Variants in BMP5 observed in about 807,000 individuals in gnomAD.
BMP5 encodes the protein bone morphogenetic protein 5.
Under a neutral mutation model 46.6 loss-of-function variants are expected in BMP5, and 23 were observed. The ratio of observed to expected loss-of-function variants is 0.49; its 90% CI spans 0.35 to 0.70. The LOEUF is 0.70. Among genes scored for constraint, BMP5 ranks in the 30% least tolerant of loss-of-function variants. The pLI, the probability that BMP5 is intolerant of heterozygous loss-of-function variation, is 0.00. For synonymous variants in BMP5, 204 were observed against 191.9 expected, an observed-to-expected ratio of 1.06 and a Z score of -0.52; for missense variants, 545 against 565.6, an observed-to-expected ratio of 0.96 and a Z score of 0.37.
At chr6:55,846,294 A>G (rs1352883289) in intron 1 of BMP5, among the ~76,000 whole-genome samples, 2 of 152,152 alleles carry the variant, frequency 1.3e-5, no homozygotes, top group East Asian at 1.9e-4. Context: ...AGGAAATAAA[A>G]TAGAAAGGGA....
chr6:55,819,897 A>G (rs1197024693), intron 1 of BMP5, 50 bp from the exon 2 acceptor site: 1 of 1,433,754 alleles, frequency 7.0e-7, no homozygotes, highest in Non-Finnish European at 9.8e-7. Context: ...CTTTTATAAA[A>G]TATGGAAATT....
At chr6:55,845,705 G>A (rs1005964238) in intron 1 of BMP5, among the ~76,000 whole-genome samples, 4 of 151,956 alleles carry the variant, frequency 2.6e-5, no homozygotes, top group Non-Finnish European at 4.4e-5. Flanking sequence ...CAGGGAGAGA[G>A]GTTGTGATGC....
chr6:55,760,575 G>T, intron 4 of BMP5, 42 bp from the exon 5 acceptor site: 3 of 1,526,616 alleles, frequency 2.0e-6, no homozygotes, highest in South Asian at 1.1e-5. Context: ...GTTGCTTACA[G>T]ATATACTAAT....
intron 2 of BMP5, among the ~76,000 whole-genome samples, chr6:55,799,373 A>G (rs1224775251): frequency 6.6e-6 from 1 of 152,216 alleles, no homozygotes; most frequent in Non-Finnish European, 1.5e-5. Flanking sequence ...TTTTGTATTT[A>G]CAAAAAGGGG....
At chr6:55,756,557 C>G (rs1352275914) in intron 6 of BMP5, among the ~76,000 whole-genome samples, 3 of 151,904 alleles carry the variant, frequency 2.0e-5, no homozygotes, top group African/African-American at 4.8e-5. Flanking sequence ...TGGCCCTTCC[C>G]CCAGAGGAGT....
chr6:55,780,867 A>G (rs1316232314), intron 3 of BMP5, among the ~76,000 whole-genome samples: 1 of 152,090 alleles, frequency 6.6e-6, no homozygotes, highest in Non-Finnish European at 1.5e-5. Context: ...GAAGCTGTCC[A>G]GAATGCTGAA....
In BMP5 at chr6:55,802,577, T is replaced by C. The variant is rs537921960; in HGVS notation, c.684-8150A>G. ...GAAAAGTGACCAGCCATGGTGCTTG[T>C]CAAAATAAACAGAAAATTGATAGCA... On this transcript the variant is annotated intron_variant, in intron 2 of 6. Coordinates refer to ENST00000370830, the MANE Select transcript of BMP5 (RefSeq NM_021073.4). Among the ~76,000 whole-genome samples, 4 of 152,040 alleles carry C rather than the reference T, an allele frequency of 2.6e-5. No individual in the cohort carries two copies. In the South Asian group the frequency reaches 8.3e-4, roughly 32 times the overall value.
At chr6:55,865,782 C>T (rs1220434826) in intron 1 of BMP5, among the ~76,000 whole-genome samples, 1 of 152,102 alleles carries the variant, frequency 6.6e-6, no homozygotes, top group Non-Finnish European at 1.5e-5. Flanking sequence ...CATGTAGGCT[C>T]AAAAGTCTAG....
chr6:55,864,779 C>T (rs1469043698), intron 1 of BMP5, among the ~76,000 whole-genome samples: 1 of 151,644 alleles, frequency 6.6e-6, no homozygotes, highest in African/African-American at 2.4e-5. Context: ...AGAAGATGTC[C>T]ACAGTTTATG....
intron 2 of BMP5, among the ~76,000 whole-genome samples, chr6:55,795,283 A>T (rs1240568546): frequency 6.6e-6 from 1 of 152,144 alleles, no homozygotes; most frequent in African/African-American, 2.4e-5. Flanking sequence ...CTTAGTATTG[A>T]AAACATTCAG....
chr6:55,828,251 G>C (rs1425622148), intron 1 of BMP5, among the ~76,000 whole-genome samples: 1 of 151,824 alleles, frequency 6.6e-6, no homozygotes, highest in Non-Finnish European at 1.5e-5. Context: ...ATTGCTCAGT[G>C]CCTTCTCTAA....
chr6:55,817,105 T>C (rs1439433933), intron 2 of BMP5, among the ~76,000 whole-genome samples: 4 of 152,248 alleles, frequency 2.6e-5, no homozygotes, highest in Middle Eastern at 3.4e-3. Flanking sequence ...AAACAACAGA[T>C]GCTGGAGAGG....
chr6:55,820,769 T>A (rs1323117584), intron 1 of BMP5, among the ~76,000 whole-genome samples: 3 of 152,220 alleles, frequency 2.0e-5, no homozygotes, highest in East Asian at 1.9e-4. Context: ...AAGCATTTTT[T>A]ATAAATTCTT....
chr6:55,764,299 C>T lies in BMP5; in HGVS notation c.1028-3766G>A, dbSNP rs140480868. Among the ~76,000 whole-genome samples, 41 of 152,236 alleles carry T rather than the reference C, an allele frequency of 2.7e-4. No homozygotes were observed. In the East Asian group the frequency reaches 6.4e-3, roughly 24 times the overall value. On this transcript the variant is annotated intron_variant, in intron 4 of 6. Coordinates refer to ENST00000370830, the MANE Select transcript of BMP5 (RefSeq NM_021073.4). ...CATAAAAAGAATGAAATTGGCCTGG[C>T]GTGGTGTCTCACACCTGTAATCCCA...
chr6:55,772,930 A>G lies in BMP5; in HGVS notation c.1027+1119T>C, dbSNP rs1007231932. ...AGCGTCTCTGAGCAAATAAAAACAA[A>G]CAAATAAAGGTCGTCATCTATTTCT... On this transcript the variant is annotated intron_variant, in intron 4 of 6. Transcript: ENST00000370830. 3.0e-6 allele frequency: 3 copies of G among 984,930 alleles called. No individual in the cohort carries two copies. The African/African-American group carries it at 5.2e-5, about 17-fold the overall frequency. 61.0% of individuals were successfully genotyped at this position (984,930 alleles called of 1,614,324 possible).
At chr6:55,796,858 T>C (rs1775726918) in intron 2 of BMP5, among the ~76,000 whole-genome samples, 2 of 152,144 alleles carry the variant, frequency 1.3e-5, no homozygotes, top group Admixed American at 6.5e-5. Context: ...CAAATTGCAA[T>C]TCATTGGAAA....
Position 55,794,416 on chromosome 6 carries a change from A to T in BMP5, c.695T>A (p.Leu232Gln). 6.2e-7 allele frequency: 1 copy of T among 1,613,958 alleles called. No homozygotes were observed. The highest frequency in any genetic ancestry group is 8.5e-7 in the Non-Finnish European group (1 of 1,179,872). Reference protein sequence around the residue: ...IKEYTNRDADLFLLDTRKAQA... With the variant: ...IKEYTNRDADQFLLDTRKAQA... ...GGCCTTTCTTGTGTCTAACAAGAAC[A>T]GATCTGCATCCCTAAAAAGAAAAGG... is the stretch of plus-strand genomic sequence containing the variant. Residue 232 changes from leucine to glutamine, a missense_variant, in exon 3 of 7, where the codon CTG (leucine) becomes CAG (glutamine). Transcript: ENST00000370830.
At chr6:55,861,254 C>T (rs1055713431) in intron 1 of BMP5, among the ~76,000 whole-genome samples, 11 of 152,168 alleles carry the variant, frequency 7.2e-5, no homozygotes, top group African/African-American at 2.7e-4. Context: ...CCAGTGGGGT[C>T]AGAGAAGCTG....
chr6:55,820,524 C>T (rs1776381897), intron 1 of BMP5, among the ~76,000 whole-genome samples: 1 of 151,844 alleles, frequency 6.6e-6, no homozygotes, highest in Non-Finnish European at 1.5e-5. Context: ...CTCAAGTGAT[C>T]CTCCCACCTC....
Sources: allele counts gnomAD v4.1 joint callset (sites outside exome capture counted in the v4.1 genomes callset), GRCh38; gene constraint gnomAD v4.1.1; transcripts MANE v1.5; gene names NCBI Gene and HGNC (gene_info 2026-07-23, HGNC 2026-07-21).